ERC2: variants seen among roughly 807,000 people sequenced by gnomAD.
The protein encoded by ERC2 is ELKS/RAB6-interacting/CAST family member 2, also known as ERC protein 2.
ERC2 carries 42 observed loss-of-function variants against 114.8 expected under a neutral mutation model. The observed-to-expected ratio is 0.37, with a 90% CI of 0.29 to 0.47. ERC2 has a LOEUF of 0.47. Among genes scored for constraint, ERC2 ranks in the 20% least tolerant of loss-of-function variants. The pLI is 0.99. For synonymous variants in ERC2, 454 were observed against 425.5 expected, an observed-to-expected ratio of 1.07 and a Z score of -0.82; for missense variants, 939 against 1,150.7, an observed-to-expected ratio of 0.82 and a Z score of 2.66.
chr3:56,456,937 A>G (rs6776781), intron 1 of ERC2, among the ~76,000 whole-genome samples: 52,759 of 152,114 alleles, frequency 0.35, 9,452 homozygotes, highest in Admixed American at 0.48. Context: ...TGTATAATGT[A>G]CAAAAGTGTA....
At chr3:56,311,255 CTATATATA>C (rs67320179) in intron 2 of ERC2, among the ~76,000 whole-genome samples, 48 of 79,026 alleles carry the variant, frequency 6.1e-4, no homozygotes, top group African/African-American at 9.2e-4. Context: ...CTCTCTCTCT[CTATATATA>C]TATATATATA....
chr3:56,094,248 G>A (rs2077940415), intron 6 of ERC2, among the ~76,000 whole-genome samples: 1 of 152,202 alleles, frequency 6.6e-6, no homozygotes, highest in South Asian at 2.1e-4. Flanking sequence ...GGACTCAGAA[G>A]GCCTTGGCTG....
intron 14 of ERC2, among the ~76,000 whole-genome samples, chr3:55,885,405 C>G (rs2063310654): frequency 1.3e-5 from 2 of 152,196 alleles, no homozygotes; most frequent in Non-Finnish European, 2.9e-5. Context: ...CCTAAGTCCT[C>G]CCATAGTCCC....
chr3:56,038,500 T>C (rs1424709427), intron 7 of ERC2, among the ~76,000 whole-genome samples: 1 of 152,216 alleles, frequency 6.6e-6, no homozygotes, highest in Non-Finnish European at 1.5e-5. Flanking sequence ...GTAAATTAGT[T>C]CAACCATTGT....
At chr3:56,340,568 G>GTGTA (rs1165915664) in intron 2 of ERC2, among the ~76,000 whole-genome samples, 1 of 151,720 alleles carries the variant, frequency 6.6e-6, no homozygotes, top group Non-Finnish European at 1.5e-5. Context: ...GTGTGTGTGT[G>GTGTA]TGTGTGTGTG....
intron 3 of ERC2, among the ~76,000 whole-genome samples, chr3:56,227,647 G>T (rs1331596295): frequency 6.6e-6 from 1 of 152,116 alleles, no homozygotes; most frequent in South Asian, 2.1e-4. Context: ...TCATGAGACT[G>T]ACAGCACCAT....
At chr3:56,344,009 G>C (rs73832592) in intron 2 of ERC2, among the ~76,000 whole-genome samples, 2,994 of 152,110 alleles carry the variant, frequency 0.02, 100 homozygotes, top group African/African-American at 0.066. Flanking sequence ...TATACTGCAC[G>C]ACCCCTGGCT....
chr3:56,377,305 G>A (rs1366230900), intron 2 of ERC2, among the ~76,000 whole-genome samples: 3 of 152,038 alleles, frequency 2.0e-5, no homozygotes, highest in South Asian at 4.2e-4. Flanking sequence ...CTTGATATAC[G>A]TGTCTCCATT....
In ERC2 at chr3:55,950,572, C is replaced by T. The variant is rs763712662; in HGVS notation, c.2268-12G>A. 5 of 1,613,824 alleles carry T rather than the reference C, an allele frequency of 3.1e-6. No individual in the cohort carries two copies. The highest frequency in any genetic ancestry group is 2.7e-5 in the African/African-American group (2 of 75,038). ...GATCTTTCATATGCCTGAGAAAAGT[C>T]AGCACAGCTTGGTTAAATTCTACCA... is the stretch of plus-strand genomic sequence containing the variant. On this transcript the variant is annotated splice_polypyrimidine_tract_variant and intron_variant, in intron 12 of 17. Coordinates refer to ENST00000288221, the MANE Select transcript of ERC2 (RefSeq NM_015576.3).
intron 6 of ERC2, among the ~76,000 whole-genome samples, chr3:56,126,855 A>G (rs201143966): frequency 0.06 from 2,701 of 44,946 alleles, 33 homozygotes; most frequent in African/African-American, 0.17. Flanking sequence ...GGAAAGGAAA[A>G]GAAAGGCAAG....
chr3:55,715,404 CT>C (rs1385638428), intron 15 of ERC2, among the ~76,000 whole-genome samples: 6 of 152,242 alleles, frequency 3.9e-5, no homozygotes, highest in African/African-American at 1.4e-4. Flanking sequence ...CAGAAAATAT[CT>C]TTTAATAATA....
intron 14 of ERC2, among the ~76,000 whole-genome samples, chr3:55,821,703 G>A (rs562829488): frequency 6.6e-6 from 1 of 152,344 alleles, no homozygotes; most frequent in African/African-American, 2.4e-5. Context: ...CAGTCCTCAT[G>A]ATGAACTTAT....
intron 2 of ERC2, among the ~76,000 whole-genome samples, chr3:56,341,556 C>T (rs568635504): frequency 1.1e-4 from 16 of 151,744 alleles, no homozygotes; most frequent in Admixed American, 2.0e-4. Context: ...CTGTGAATGG[C>T]TTGAGTCATG....
chr3:55,995,131 G>A (rs901293156), intron 10 of ERC2, among the ~76,000 whole-genome samples: 22 of 152,118 alleles, frequency 1.4e-4, no homozygotes, highest in African/African-American at 5.1e-4. Flanking sequence ...TCAAGAGATC[G>A]AGACCATCCT....
chr3:55,524,520 T>TTC (rs2053181567), intron 17 of ERC2, among the ~76,000 whole-genome samples: 1 of 151,000 alleles, frequency 6.6e-6, no homozygotes, highest in Admixed American at 6.6e-5. Flanking sequence ...TTTTTTTTTT[T>TTC]CATGGCTCCA....
chr3:56,127,952 T>C (rs1179538307), intron 6 of ERC2, among the ~76,000 whole-genome samples: 1 of 152,060 alleles, frequency 6.6e-6, no homozygotes, highest in Non-Finnish European at 1.5e-5. Flanking sequence ...TCTCTCACCA[T>C]ATACAAAAGT....
intron 3 of ERC2, among the ~76,000 whole-genome samples, chr3:56,264,360 G>A (rs2053148370): frequency 6.6e-6 from 1 of 152,154 alleles, no homozygotes. Context: ...ACTTTAGGAG[G>A]CCGAGGCAGG....
chr3:55,886,757 G>T (rs2063365386), intron 14 of ERC2, among the ~76,000 whole-genome samples: 1 of 152,076 alleles, frequency 6.6e-6, no homozygotes, highest in Non-Finnish European at 1.5e-5. Flanking sequence ...AGTAAATATT[G>T]GCAAACATCA....
intron 7 of ERC2, among the ~76,000 whole-genome samples, chr3:56,020,383 T>C (rs910544170): frequency 2.6e-5 from 4 of 152,058 alleles, no homozygotes; most frequent in African/African-American, 9.7e-5. Context: ...AGGTTATAGG[T>C]CAAATAATTA....
Sources: gnomAD v4.1 joint callset for allele counts (sites outside exome capture counted in the v4.1 genomes callset) on GRCh38, gnomAD v4.1.1 for gene constraint, MANE v1.5 for transcripts, NCBI Gene and HGNC (gene_info 2026-07-23, HGNC 2026-07-21) for gene names.